The following DYRK4 variants were observed in gnomAD, a reference collection of about 807,000 sequenced individuals.
DYRK4 encodes the protein dual specificity tyrosine phosphorylation regulated kinase 4.
In DYRK4, 64 loss-of-function variants were observed where a neutral mutation model predicts 68.3. The ratio of observed to expected loss-of-function variants is 0.94; its 90% confidence interval spans 0.77 to 1.15. DYRK4 has a LOEUF of 1.15. DYRK4 is among the 50% of genes most tolerant of loss of function. The pLI is 0.00. For missense variants in DYRK4, 740 were observed against 764.7 expected, an observed-to-expected ratio of 0.97 and a Z score of 0.38; for synonymous variants, 274 against 289.9, an observed-to-expected ratio of 0.95 and a Z score of 0.56.
intron 1 of DYRK4, chr12:4,563,048 A>C (rs1482737511): frequency 6.6e-6 from 3 of 455,898 alleles, no homozygotes; most frequent in African/African-American, 6.0e-5. Flanking sequence ...TTCAAGCTTC[A>C]CTGTCCAGGC....
In DYRK4 at chr12:4,591,397, A is replaced by G; in HGVS notation, c.463+99A>G. 3 of 1,489,178 alleles carry G rather than the reference A, an allele frequency of 2.0e-6. No individual in the cohort carries two copies. 92.2% of individuals were successfully genotyped at this position (1,489,178 alleles called of 1,614,324 possible). The stretch of plus-strand genomic sequence containing the variant: ...GGAGTGAGCTAAGCTGCCAGGTGTC[A>G]GAGTAGTCAAAGAAGGCAGCCAGCC... On this transcript the variant is annotated intron_variant, in intron 5 of 14. Coordinates refer to ENST00000543431, the MANE Select transcript of DYRK4 (RefSeq NM_001394779.1). This position sits in a 1 kb window ranked among gnomAD's most constrained non-coding sequence, Gnocchi z 4.1.
In DYRK4 at chr12:4,591,444, C is replaced by A; in HGVS notation, c.463+146C>A. ...AGCCAAGAGGAAAGTAGAAGTTAAG[C>A]GTTGAACCTCTGACTGTGGTAGTAT... On this transcript the variant is annotated intron_variant, in intron 5 of 14. Coordinates refer to ENST00000543431, the MANE Select transcript of DYRK4 (RefSeq NM_001394779.1). The surrounding 1 kb of genome is among the most constrained non-coding windows in gnomAD (Gnocchi z 4.1). 2 of 1,143,026 alleles carry A rather than the reference C, an allele frequency of 1.7e-6. No homozygotes were observed. The highest frequency in any genetic ancestry group is 2.4e-6 in the Non-Finnish European group (2 of 825,008). 70.8% of individuals were successfully genotyped at this position (1,143,026 alleles called of 1,614,324 possible).
chr12:4,580,914 C>A (rs901908664), intron 2 of DYRK4: 1 of 455,220 alleles, frequency 2.2e-6, no homozygotes, highest in Non-Finnish European at 4.4e-6. Context: ...TGTGCCTTTC[C>A]GAAAAGGCTG....
intron 6 of DYRK4, among the ~76,000 whole-genome samples, chr12:4,595,249 T>C (rs1281722663): frequency 6.6e-6 from 1 of 152,200 alleles, no homozygotes; most frequent in Non-Finnish European, 1.5e-5. Context: ...AACAGACCCC[T>C]GGCACACATT....
chr12:4,603,231 G>T (rs1945101341), intron 10 of DYRK4: 1 of 998,640 alleles, frequency 1.0e-6, no homozygotes, highest in South Asian at 1.3e-5. Flanking sequence ...TCAGAAAGCT[G>T]TTTGCTGTGT....
chr12:4,571,732 A>G (rs1231510773), intron 2 of DYRK4, among the ~76,000 whole-genome samples: 1 of 152,196 alleles, frequency 6.6e-6, no homozygotes. Context: ...GTTAAATAAA[A>G]CATATTATTA....
Position 4,591,420 on chromosome 12 carries a change from G to A in DYRK4, c.463+122G>A. 1.5e-6 allele frequency: 2 copies of A among 1,365,806 alleles called. No individual in the cohort carries two copies. The highest frequency in any genetic ancestry group is 5.3e-5 in the Admixed American group (2 of 37,820). The allele number at this position is 1,365,806 out of a possible 1,614,324, so 84.6% of individuals were successfully genotyped here. ...TCAGAGTAGTCAAAGAAGGCAGCCA[G>A]CCAAGAGGAAAGTAGAAGTTAAGCG... On this transcript the variant is annotated intron_variant, in intron 5 of 14. Transcript: ENST00000543431. This position sits in a 1 kb window ranked among gnomAD's most constrained non-coding sequence, Gnocchi z 4.1.
intron 2 of DYRK4, among the ~76,000 whole-genome samples, chr12:4,585,584 C>T (rs1005417381): frequency 6.6e-6 from 1 of 151,690 alleles, no homozygotes; most frequent in East Asian, 1.9e-4. Context: ...ACAATGAGAA[C>T]ACATGGACAC....
intron 10 of DYRK4, among the ~76,000 whole-genome samples, chr12:4,601,454 T>C (rs532440986): frequency 8.5e-5 from 13 of 152,286 alleles, no homozygotes; most frequent in Non-Finnish European, 1.3e-4. Flanking sequence ...CCTAAACATC[T>C]ACAAATGAAG....
intron 2 of DYRK4, among the ~76,000 whole-genome samples, chr12:4,580,391 A>G (rs1944829973): frequency 6.6e-6 from 1 of 152,112 alleles, no homozygotes; most frequent in African/African-American, 2.4e-5. Flanking sequence ...CTCCCCATCT[A>G]GGCATCCTGG....
At chr12:4,605,179 G>C in intron 11 of DYRK4, 93 bp downstream of exon 11, 1 of 1,154,704 alleles carries the variant, frequency 8.7e-7, no homozygotes, top group Non-Finnish European at 1.2e-6. Context: ...ACCATGGCCT[G>C]CATACCTTGT....
At chr12:4,593,469 G>A (rs1314896400) in intron 6 of DYRK4, among the ~76,000 whole-genome samples, 1 of 152,164 alleles carries the variant, frequency 6.6e-6, no homozygotes, top group East Asian at 1.9e-4. Context: ...CACTGGAAAA[G>A]GCCAGACTGA....
intron 10 of DYRK4, 80 bp downstream of exon 10, chr12:4,599,868 TA>T: frequency 8.2e-7 from 1 of 1,217,402 alleles, no homozygotes; most frequent in Non-Finnish European, 1.2e-6. Context: ...ACCTGCCTTC[TA>T]GGCTGCGCTC....
chr12:4,584,447 AAC>A (rs1944874295), intron 2 of DYRK4, among the ~76,000 whole-genome samples: 1 of 152,134 alleles, frequency 6.6e-6, no homozygotes, highest in Non-Finnish European at 1.5e-5. Flanking sequence ...AACTGGAAGG[AAC>A]AGTTTGGCAC....
intron 12 of DYRK4, among the ~76,000 whole-genome samples, chr12:4,609,415 T>G (rs1565543717): frequency 2.0e-5 from 3 of 152,228 alleles, no homozygotes; most frequent in Admixed American, 2.0e-4. Context: ...CAAAATAAGT[T>G]TGGGAAACAC....
chr12:4,573,472 C>T, intron 2 of DYRK4: 1 of 1,125,590 alleles, frequency 8.9e-7, no homozygotes, highest in Non-Finnish European at 1.2e-6. Flanking sequence ...GTGAAGTGAG[C>T]AGGAATTGGC....
chr12:4,588,821 A>AG lies in DYRK4; in HGVS notation c.133-116_133-115insG, dbSNP rs1565536718. 1.5e-5 allele frequency: 14 copies of AG among 909,374 alleles called. No homozygotes were observed. In the East Asian group the frequency reaches 3.2e-4, roughly 21 times the overall value. 56.3% of individuals were successfully genotyped at this position (909,374 alleles called of 1,614,324 possible). A position where few individuals can be genotyped will look rare whatever the true frequency, so the allele number is the denominator to read the frequency against. ...GAGCCTCTCTTGGCTCTTCCCAGCT[A>AG]AGGATTCAGGAGAGCTGGCCTCAAG... On this transcript the variant is annotated intron_variant, in intron 2 of 14. Coordinates refer to ENST00000543431, the MANE Select transcript of DYRK4 (RefSeq NM_001394779.1).
At chr12:4,567,282 T>G (rs895098981) in intron 1 of DYRK4, 1 of 152,288 alleles carries the variant, frequency 6.6e-6, no homozygotes, top group African/African-American at 2.4e-5. Context: ...TCTTGTATTC[T>G]TGATTCCTCT....
intron 10 of DYRK4, among the ~76,000 whole-genome samples, chr12:4,601,302 G>T (rs985845985): frequency 2.6e-5 from 4 of 152,148 alleles, no homozygotes; most frequent in African/African-American, 9.7e-5. Context: ...GGATACTTTT[G>T]CATCTGTAAC....
Sources: gnomAD v4.1 joint callset for allele counts (sites outside exome capture counted in the v4.1 genomes callset) on GRCh38, gnomAD v4.1.1 for gene constraint, Gnocchi (gnomAD v3.1) non-coding constraint, MANE v1.5 for transcripts, NCBI Gene and HGNC (gene_info 2026-07-23, HGNC 2026-07-21) for gene names.